Variants in DOP1A observed in about 807,000 individuals in gnomAD.
DOP1A encodes the protein DOP1 leucine zipper like protein A.
Under a neutral mutation model 267.6 loss-of-function variants are expected in DOP1A, and 90 were observed. The observed-to-expected ratio is 0.34, with a 90% CI of 0.28 to 0.40. The LOEUF is 0.40. Among genes scored for constraint, DOP1A ranks in the 10% least tolerant of loss-of-function variants. The pLI, the probability that DOP1A is intolerant of heterozygous loss-of-function variation, is 1.00. For missense variants in DOP1A, 2,437 were observed against 2,900.4 expected (o/e 0.84, Z 3.67); for synonymous variants, 932 against 999.1 (o/e 0.93, Z 1.27).
intron 38 of DOP1A, among the ~76,000 whole-genome samples, chr6:83,163,677 A>T (rs1467543725): frequency 6.6e-6 from 1 of 152,168 alleles, no homozygotes; most frequent in African/African-American, 2.4e-5. Context: ...CTTGCCCTTA[A>T]CATGAGATAT....
chr6:83,068,835 C>G (rs980032043), intron 1 of DOP1A, among the ~76,000 whole-genome samples: 3 of 152,234 alleles, frequency 2.0e-5, no homozygotes, highest in Non-Finnish European at 4.4e-5. Flanking sequence ...CACGAGTAGT[C>G]TAAATGCTTT....
intron 17 of DOP1A, among the ~76,000 whole-genome samples, chr6:83,130,777 C>T (rs1299416906): frequency 6.6e-6 from 1 of 151,600 alleles, no homozygotes; most frequent in African/African-American, 2.4e-5. Context: ...GTCTTGCTGT[C>T]AGATAGGCTG....
intron 1 of DOP1A, among the ~76,000 whole-genome samples, chr6:83,091,575 G>C (rs1315805452): frequency 1.3e-5 from 2 of 151,998 alleles, no homozygotes; most frequent in Non-Finnish European, 2.9e-5. Flanking sequence ...TACAGACATA[G>C]CTGGTCATTA....
downstream of DOP1A, chr6:83,169,296 C>T: frequency 6.2e-7 from 1 of 1,613,890 alleles, no homozygotes; most frequent in Non-Finnish European, 8.5e-7. Context: ...GCCAAGCTCA[C>T]TTCATGTGCA....
intron 37 of DOP1A, among the ~76,000 whole-genome samples, chr6:83,162,177 T>C (rs936703510): frequency 6.6e-6 from 1 of 152,178 alleles, no homozygotes; most frequent in Non-Finnish European, 1.5e-5. Context: ...ATGAATCCTA[T>C]GCGGGGAGGG....
intron 30 of DOP1A, among the ~76,000 whole-genome samples, chr6:83,152,667 G>A (rs1407156889): frequency 1.3e-5 from 2 of 149,604 alleles, no homozygotes; most frequent in Admixed American, 6.6e-5. Context: ...GCCCAGGCTG[G>A]AGTCAAGTGG....
intron 38 of DOP1A, chr6:83,164,859 C>A: frequency 1.6e-6 from 1 of 628,420 alleles, no homozygotes; most frequent in Non-Finnish European, 2.8e-6. Flanking sequence ...CTGGTGAAGT[C>A]AAAGGAGAAA....
intron 6 of DOP1A, among the ~76,000 whole-genome samples, chr6:83,113,038 A>G (rs1562311457): frequency 6.6e-6 from 1 of 152,236 alleles, no homozygotes; most frequent in East Asian, 1.9e-4. Context: ...TTTGGAATAT[A>G]TATATATATG....
At chr6:83,169,926 T>C (rs1273098904), downstream of DOP1A, 2 of 394,540 alleles carry the variant, frequency 5.1e-6, no homozygotes, top group Non-Finnish European at 9.8e-6. Context: ...ATGCTATCAG[T>C]TGACTTAGAA....
intron 7 of DOP1A, among the ~76,000 whole-genome samples, chr6:83,118,326 G>T (rs1001590795): frequency 6.6e-6 from 1 of 151,632 alleles, no homozygotes; most frequent in African/African-American, 2.4e-5. Context: ...TGGGAAAAAA[G>T]AAAAAAATTA....
At chr6:83,140,837 A>G (rs549721029) in intron 23 of DOP1A, among the ~76,000 whole-genome samples, 29 of 152,242 alleles carry the variant, frequency 1.9e-4, no homozygotes, top group Admixed American at 1.2e-3. Context: ...ACATATTTTT[A>G]AGGTTCATTC....
Position 83,168,349 on chromosome 6 carries a change from T to C in DOP1A, c.*182T>C, listed in dbSNP as rs187310796. 8 of 1,407,496 alleles carry C rather than the reference T, an allele frequency of 5.7e-6. No homozygotes were observed. Among genetic ancestry groups the C allele is most frequent in the Admixed American group, 3.0e-5 (1 of 33,606 alleles). The allele number at this position is 1,407,496 out of a possible 1,614,324, so 87.2% of individuals were successfully genotyped here. A position where few individuals can be genotyped will look rare whatever the true frequency, so the allele number is the denominator to read the frequency against. ...ATGTGGCCTGAATCAAGTTTAAATA[T>C]TGTTGGCTCATACTGATTATGGTGC... On this transcript the variant is annotated 3_prime_UTR_variant, in exon 39 of 39. Transcript: ENST00000349129.
At chr6:83,166,969 C>T (rs765369533) in intron 38 of DOP1A, 46 of 985,952 alleles carry the variant, frequency 4.7e-5, no homozygotes, top group Non-Finnish European at 5.3e-5. Context: ...ATCTGTGATT[C>T]TGCCCAAGTT....
chr6:83,093,783 G>A (rs1260900133), intron 1 of DOP1A, among the ~76,000 whole-genome samples: 1 of 152,176 alleles, frequency 6.6e-6, no homozygotes, highest in African/African-American at 2.4e-5. Context: ...CCAGGTGCCT[G>A]TAATCCCAGC....
intron 5 of DOP1A, 103 bp downstream of exon 5, chr6:83,109,183 CAGTT>C: frequency 9.8e-7 from 1 of 1,017,968 alleles, no homozygotes; most frequent in Non-Finnish European, 1.5e-6. Flanking sequence ...TTATTCTAGA[CAGTT>C]CAGTATATCA....
intron 17 of DOP1A, among the ~76,000 whole-genome samples, chr6:83,131,776 C>T (rs1324736559): frequency 1.3e-5 from 2 of 152,034 alleles, no homozygotes; most frequent in African/African-American, 4.8e-5. Context: ...GCTGGGATTA[C>T]AGGTGCATGC....
intron 34 of DOP1A, among the ~76,000 whole-genome samples, chr6:83,156,467 T>C (rs1423169077): frequency 6.6e-6 from 1 of 152,148 alleles, no homozygotes; most frequent in Non-Finnish European, 1.5e-5. Flanking sequence ...AGCCAGGAAA[T>C]TGTGGCTAGA....
intron 38 of DOP1A, chr6:83,164,571 C>T: frequency 8.1e-7 from 1 of 1,231,138 alleles, no homozygotes; most frequent in Non-Finnish European, 1.2e-6. Flanking sequence ...AGGCATCTTC[C>T]CATCCAAATC....
chr6:83,151,379 G>A (rs1157509813), intron 27 of DOP1A, among the ~76,000 whole-genome samples: 1 of 152,078 alleles, frequency 6.6e-6, no homozygotes, highest in East Asian at 1.9e-4. Context: ...CCACTTTGGG[G>A]CTCTTACAAA....
Sources: gnomAD v4.1 joint callset for allele counts (sites outside exome capture counted in the v4.1 genomes callset) on GRCh38, gnomAD v4.1.1 for gene constraint, MANE v1.5 for transcripts, NCBI Gene and HGNC (gene_info 2026-07-23, HGNC 2026-07-21) for gene names.